The following ZNF527 variants were observed in gnomAD, a reference collection of about 807,000 sequenced individuals.
ZNF527 encodes the protein zinc finger protein 527.
ZNF527 carries 5 observed loss-of-function variants against 13.5 expected under a neutral mutation model. That is an observed-to-expected ratio of 0.37 (90% confidence interval 0.19 to 0.78). The LOEUF is 0.78. Ranked by LOEUF, ZNF527 falls within the 30% of genes least tolerant of loss-of-function variation. ZNF527 has a pLI of 0.48. For synonymous variants in ZNF527, 209 were observed against 243.1 expected (o/e 0.86, Z 1.30); for missense variants, 628 against 726.4 (o/e 0.86, Z 1.56).
chr19:37,388,374 C>A lies in ZNF527; in HGVS notation c.325C>A (p.Gln109Lys), dbSNP rs374359465. Residue 109 changes from glutamine (Q) to lysine (K), a missense_variant, in exon 5 of 5, where the codon CAG (glutamine) becomes AAG (lysine). Gln to Lys is a moderately conservative substitution (Grantham distance 53). Transcript: ENST00000436120. ...GTTCATTGATGAAGATGAAATATCCCAGGAGATGGTAATGGAAAGGCTAGC... is the reference window on the plus strand; with the variant it reads ...GTTCATTGATGAAGATGAAATATCCAAGGAGATGGTAATGGAAAGGCTAGC... ...KWFIDEDEIS[Q>K]EMVMERLASH... The A allele has an allele frequency of 1.6e-5, 26 of 1,613,892 alleles. 1 individual carries two copies. The African/African-American group carries it at 2.8e-4, about 17-fold the overall frequency.
intron 2 of ZNF527, among the ~76,000 whole-genome samples, chr19:37,376,819 T>A (rs963798584): frequency 6.6e-6 from 1 of 152,080 alleles, no homozygotes; most frequent in African/African-American, 2.4e-5. Flanking sequence ...TGATACACTG[T>A]AAGTGCAAAG....
rs929174578 is a variant in ZNF527, at chr19:37,389,845, G to A, written c.1796G>A (p.Arg599Gln). ...NNFSCVSALRRHQRIHNRETL is the reference protein window; with the variant it reads ...NNFSCVSALRQHQRIHNRETL ...TTTAGCTGTGTCTCAGCCCTTAGAC[G>A]ACATCAGAGAATTCATAATAGAGAA... Residue 599 changes from arginine to glutamine, a missense_variant, in exon 5 of 5, where the codon CGA (arginine) becomes CAA (glutamine). Physicochemically the swap from Arg to Gln is conservative, Grantham distance 43. Transcript: ENST00000436120. The A allele has an allele frequency of 5.2e-5, 83 of 1,605,720 alleles. No individual in the cohort carries two copies. The highest frequency in any genetic ancestry group is 6.9e-5 in the Non-Finnish European group (81 of 1,177,630).
At position 37,380,307 on chromosome 19, in the gene ZNF527, C is replaced by T; in HGVS notation, c.191C>T (p.Ser64Phe). The change falls in exon 4 of 5, where the codon TCC (serine) becomes TTC (phenylalanine). Residue 64 changes from serine (S) to phenylalanine (F), a missense_variant. By Grantham distance (155) the Ser-to-Phe change is radical. Coordinates refer to ENST00000436120, the MANE Select transcript of ZNF527 (RefSeq NM_032453.2). ...TCCATTTCTAAGCCCAACATGATCTCCTTACTGGAGCAAGGGAAGGAACCG... is the reference window on the plus strand; with the variant it reads ...TCCATTTCTAAGCCCAACATGATCTTCTTACTGGAGCAAGGGAAGGAACCG... ...GLSISKPNMI[S>F]LLEQGKEPWM... 6.2e-7 allele frequency: 1 copy of T among 1,614,082 alleles called. No homozygotes were observed.
chr19:37,387,009 G>A (rs1005021452), intron 4 of ZNF527, among the ~76,000 whole-genome samples: 72 of 152,228 alleles, frequency 4.7e-4, no homozygotes, highest in Admixed American at 1.9e-3. Context: ...GCGGTATATA[G>A]GACGGACTGG....
At chr19:37,379,460 C>CTTTTTTTTTTTTTTTTTTTTTT (rs34967980) in intron 3 of ZNF527, 1 of 158,558 alleles carries the variant, frequency 6.3e-6, no homozygotes, top group Non-Finnish European at 1.2e-5. Context: ...GAAGTAATTT[C>CTTTTTTTTTTTTTTTTTTTTTT]TTTTTTTTTT....
chr19:37,389,155 G>C lies in ZNF527; in HGVS notation c.1106G>C (p.Arg369Pro), dbSNP rs1459317357. Residue 369 changes from arginine to proline, a missense_variant, in exon 5 of 5, where the codon CGT becomes CCT. Physicochemically the swap from Arg to Pro is moderately radical, Grantham distance 103. Coordinates refer to ENST00000436120, the MANE Select transcript of ZNF527 (RefSeq NM_032453.2). Reference sequence around the variant, plus strand: ...AATGAATGTGGGAAGGCCTTTAGCCGTTATGCCTTCCTTGTTGAACATCAG... The same window carrying C: ...AATGAATGTGGGAAGGCCTTTAGCCCTTATGCCTTCCTTGTTGAACATCAG... Reference protein sequence around the residue: ...ACNECGKAFSRYAFLVEHQRI... With the variant: ...ACNECGKAFSPYAFLVEHQRI... The C allele has an allele frequency of 6.2e-7, 1 of 1,613,716 alleles. No individual in the cohort carries two copies. Among genetic ancestry groups the C allele is most frequent in the Non-Finnish European group, 8.5e-7 (1 of 1,179,926 alleles).
At chr19:37,384,283 A>C (rs535551555) in intron 4 of ZNF527, among the ~76,000 whole-genome samples, 1 of 152,172 alleles carries the variant, frequency 6.6e-6, no homozygotes, top group Non-Finnish European at 1.5e-5. Flanking sequence ...GCGCCACGGC[A>C]CTTCAGCTTG....
chr19:37,384,766 GT>G (rs1443590676), intron 4 of ZNF527: 3 of 522,918 alleles, frequency 5.7e-6, no homozygotes, highest in Non-Finnish European at 3.4e-6. Context: ...TAATTTACTA[GT>G]GATATTATTG....
At chr19:37,380,174 G>A in intron 3 of ZNF527, 103 bp from the exon 4 acceptor site, 1 of 1,504,630 alleles carries the variant, frequency 6.6e-7, no homozygotes, top group Non-Finnish European at 8.9e-7. Context: ...CTTGCCTGAT[G>A]ATCAAGATAT....
chr19:37,380,045 T>C, intron 3 of ZNF527: 1 of 641,402 alleles, frequency 1.6e-6, no homozygotes, highest in Admixed American at 3.7e-5. Context: ...AATTAGTTCC[T>C]AGGTGATGGC....
chr19:37,386,140 CTTTTT>C (rs1050024983), intron 4 of ZNF527, among the ~76,000 whole-genome samples: 14 of 72,464 alleles, frequency 1.9e-4, no homozygotes, highest in Admixed American at 1.0e-3. Context: ...TCTTCTTTTC[CTTTTT>C]TTTTTTTTTT....
At chr19:37,381,536 C>T (rs1381135847) in intron 4 of ZNF527, among the ~76,000 whole-genome samples, 5 of 152,066 alleles carry the variant, frequency 3.3e-5, no homozygotes, top group Non-Finnish European at 5.9e-5. Context: ...TGTATAATAT[C>T]GATATGTCTT....
At position 37,389,710 on chromosome 19, in the gene ZNF527, A is replaced by G. The variant is rs750208845; in HGVS notation, c.1661A>G (p.Tyr554Cys). The change falls in exon 5 of 5, where the codon TAT (tyrosine) becomes TGT (cysteine). Residue 554 changes from tyrosine (Y) to cysteine (C), a missense_variant. Physicochemically the swap from Tyr to Cys is radical, Grantham distance 194 (BLOSUM62 -2). Transcript: ENST00000436120. ...AGAATTCATACTGGAGAGAAACCCT[A>G]TGAATGTAGTGAATGTGGGAAGGCT... ...HQRIHTGEKP[Y>C]ECSECGKAFH... 4 of 1,613,802 alleles carry G rather than the reference A, an allele frequency of 2.5e-6. No homozygotes were observed. Among genetic ancestry groups the G allele is most frequent in the Non-Finnish European group, 2.5e-6 (3 of 1,179,946 alleles).
Position 37,391,093 on chromosome 19 carries a change from A to C in ZNF527, c.*1214A>C, listed in dbSNP as rs1287326697. 1 of 152,188 alleles carries C rather than the reference A, an allele frequency of 6.6e-6. No individual in the cohort carries two copies. Among genetic ancestry groups the C allele is most frequent in the Non-Finnish European group, 1.5e-5 (1 of 68,034 alleles). The allele number at this position is 152,188 out of a possible 1,614,324, so 9.4% of individuals were successfully genotyped here. On this transcript the variant is annotated 3_prime_UTR_variant, in exon 5 of 5. Transcript: ENST00000436120. Reference sequence around the variant, plus strand: ...TTAAAATCATTTGTCACAGTGACTCACCATTTGCCTGTAAAGAGAGAATGG... The same window carrying C: ...TTAAAATCATTTGTCACAGTGACTCCCCATTTGCCTGTAAAGAGAGAATGG...
At chr19:37,382,277 A>ATAGG (rs2040660057) in intron 4 of ZNF527, among the ~76,000 whole-genome samples, 1 of 129,826 alleles carries the variant, frequency 7.7e-6, no homozygotes, top group African/African-American at 3.0e-5. Flanking sequence ...AAACAGATAG[A>ATAGG]TAGATAGGTA....
intron 3 of ZNF527, 179 bp downstream of exon 3, chr19:37,379,425 C>A: frequency 1.2e-4 from 48 of 409,006 alleles, no homozygotes; most frequent in Middle Eastern, 6.0e-4. Context: ...AATTAATTTA[C>A]TTTTGGCAGA....
chr19:37,389,369 AC>A lies in ZNF527; in HGVS notation c.1323del (p.Phe442SerfsTer16). ...LHQRIHTGEK[P>X]FKCSECGKTF... ...ATCAAAGAATTCACACAGGAGAGAA[AC>A]CCTTCAAATGTAGTGAATGTGGGAA... On this transcript the variant is annotated frameshift_variant, in exon 5 of 5. Coordinates refer to ENST00000436120, the MANE Select transcript of ZNF527 (RefSeq NM_032453.2). LOFTEE classifies it low-confidence loss of function (END_TRUNC). 6.2e-7 allele frequency: 1 copy of A among 1,614,220 alleles called. No individual in the cohort carries two copies. The highest frequency in any genetic ancestry group is 8.5e-7 in the Non-Finnish European group (1 of 1,180,034).
rs1334330846 is a variant in ZNF527, at chr19:37,389,969, T to C, written c.*90T>C. On this transcript the variant is annotated 3_prime_UTR_variant, in exon 5 of 5. Transcript: ENST00000436120. ...TCTTTTTGGTTAGTAATTCTTTGAA[T>C]GTAGTTCATATTTCAGTTCATGAGT... 6.9e-7 allele frequency: 1 copy of C among 1,451,154 alleles called. No homozygotes were observed. The highest frequency in any genetic ancestry group is 9.2e-7 in the Non-Finnish European group (1 of 1,091,868). 89.9% of individuals were successfully genotyped at this position (1,451,154 alleles called of 1,614,324 possible). A position where few individuals can be genotyped will look rare whatever the true frequency, so the allele number is the denominator to read the frequency against.
chr19:37,371,908 C>T (rs1231484378), intron 1 of ZNF527, among the ~76,000 whole-genome samples: 1 of 151,500 alleles, frequency 6.6e-6, no homozygotes, highest in Admixed American at 6.6e-5. Context: ...GTATGAAGCA[C>T]AGAAATATTA....
Sources: allele counts gnomAD v4.1 joint callset (sites outside exome capture counted in the v4.1 genomes callset), GRCh38; gene constraint gnomAD v4.1.1; transcripts MANE v1.5; gene names NCBI Gene and HGNC (gene_info 2026-07-23, HGNC 2026-07-21).